GRAMD1C: variants seen among roughly 807,000 people sequenced by gnomAD.
GRAMD1C encodes protein Aster-C.
Under a neutral mutation model 97.8 loss-of-function variants are expected in GRAMD1C, and 89 were observed. The observed-to-expected ratio is 0.91, with a 90% CI of 0.77 to 1.09. The LOEUF is 1.09. GRAMD1C is among the 50% of genes least tolerant of loss of function. The pLI is 0.00. For synonymous variants in GRAMD1C, 256 were observed against 267.0 expected (o/e 0.96, Z 0.40); for missense variants, 740 against 766.4 (o/e 0.97, Z 0.41).
At chr3:113,932,677 G>A (rs1438754721) in intron 11 of GRAMD1C, among the ~76,000 whole-genome samples, 1 of 152,128 alleles carries the variant, frequency 6.6e-6, no homozygotes, top group Admixed American at 6.5e-5. Context: ...TGAAATAAAT[G>A]ACACAGGGGC....
At chr3:113,898,599 A>C (rs1936026401) in intron 6 of GRAMD1C, among the ~76,000 whole-genome samples, 1 of 152,006 alleles carries the variant, frequency 6.6e-6, no homozygotes, top group African/African-American at 2.4e-5. Context: ...TTTTCTATGG[A>C]CACTGTGCTT....
At chr3:113,889,029 C>T (rs1434143452) in intron 6 of GRAMD1C, among the ~76,000 whole-genome samples, 1 of 152,042 alleles carries the variant, frequency 6.6e-6, no homozygotes, top group Non-Finnish European at 1.5e-5. Flanking sequence ...GGAAGAAACC[C>T]CATCTATACT....
At chr3:113,834,313 G>T (rs908206621), upstream of GRAMD1C, among the ~76,000 whole-genome samples, 17 of 152,080 alleles carry the variant, frequency 1.1e-4, 1 homozygote, top group East Asian at 1.9e-4. Flanking sequence ...CCAAGTAGCT[G>T]GGATTACAGG....
chr3:113,864,275 G>A (rs569045078), intron 2 of GRAMD1C, among the ~76,000 whole-genome samples: 5 of 151,968 alleles, frequency 3.3e-5, no homozygotes, highest in South Asian at 4.1e-4. Flanking sequence ...CACCACGCTC[G>A]GCTAATTTTT....
chr3:113,877,569 G>A (rs1365424339), intron 5 of GRAMD1C, among the ~76,000 whole-genome samples: 1 of 152,166 alleles, frequency 6.6e-6, no homozygotes, highest in Non-Finnish European at 1.5e-5. Flanking sequence ...GTGTTTGTCT[G>A]ATGTTCCCTT....
chr3:113,839,014 T>C, intron 1 of GRAMD1C, 78 bp downstream of exon 1: 1 of 900,028 alleles, frequency 1.1e-6, no homozygotes, highest in Non-Finnish European at 1.5e-6. Flanking sequence ...TGCTTGAACC[T>C]TCTCAGATTA....
chr3:113,874,437 C>G (rs1353383375), intron 3 of GRAMD1C, among the ~76,000 whole-genome samples: 1 of 152,016 alleles, frequency 6.6e-6, no homozygotes, highest in East Asian at 1.9e-4. Context: ...CAACCATCAC[C>G]TTCCAGGTTC....
rs576821185 is a variant in GRAMD1C at position 113,907,069 on chromosome 3, C to T, written c.790-1889C>T. On this transcript the variant is annotated intron_variant, in intron 8 of 17. Coordinates refer to ENST00000358160, the MANE Select transcript of GRAMD1C (RefSeq NM_017577.5). ...ACAACAATAAAATCACCTAATGATA[C>T]ATTTCTCATAATGTATCCCTGTCAT... Among the ~76,000 whole-genome samples the T allele has an allele frequency of 1.1e-3, 173 of 152,298 alleles. 1 individual carries two copies. Among genetic ancestry groups the T allele is most frequent in the Non-Finnish European group, 2.1e-3 (143 of 68,032 alleles).
intron 10 of GRAMD1C, among the ~76,000 whole-genome samples, chr3:113,924,624 C>T (rs1462906538): frequency 6.6e-6 from 1 of 152,040 alleles, no homozygotes; most frequent in Non-Finnish European, 1.5e-5. Flanking sequence ...GCACTGTGGT[C>T]CGAGAGTGTG....
intron 4 of GRAMD1C, chr3:113,875,821 G>C (rs1448789427): frequency 2.5e-6 from 1 of 403,932 alleles, no homozygotes; most frequent in South Asian, 5.5e-5. Flanking sequence ...TTGAAAAAAA[G>C]CTTGAACATA....
chr3:113,945,666 C>A lies in GRAMD1C; in HGVS notation c.*188C>A. On this transcript the variant is annotated 3_prime_UTR_variant, in exon 18 of 18. Transcript: ENST00000358160. ...GTTTCTGCTGGCCTTAATAATCCAT[C>A]CTTTCACTTCTTATAGATATTTTTA... is the stretch of plus-strand genomic sequence containing the variant. 1 of 523,292 alleles carries A rather than the reference C, an allele frequency of 1.9e-6. No homozygotes were observed. The highest frequency in any genetic ancestry group is 3.4e-6 in the Non-Finnish European group (1 of 296,536). The allele number at this position is 523,292 out of a possible 1,614,324, so 32.4% of individuals were successfully genotyped here.
chr3:113,883,725 CAAGG>C (rs1337388203), intron 6 of GRAMD1C, among the ~76,000 whole-genome samples: 9 of 151,904 alleles, frequency 5.9e-5, no homozygotes, highest in Admixed American at 2.0e-4. Context: ...TTATTAGAGA[CAAGG>C]AAGAATAAAG....
intron 11 of GRAMD1C, among the ~76,000 whole-genome samples, chr3:113,933,165 G>T (rs941889573): frequency 1.3e-5 from 2 of 152,164 alleles, no homozygotes; most frequent in Non-Finnish European, 2.9e-5. Context: ...GATTACAGGC[G>T]TGAGCCACTG....
intron 1 of GRAMD1C, among the ~76,000 whole-genome samples, chr3:113,840,870 C>T (rs1390539928): frequency 6.6e-6 from 1 of 152,184 alleles, no homozygotes; most frequent in African/African-American, 2.4e-5. Flanking sequence ...AGGATGTCAT[C>T]AATGGAATGT....
intron 1 of GRAMD1C, among the ~76,000 whole-genome samples, chr3:113,832,893 A>C (rs375952510): frequency 1.3e-5 from 2 of 152,090 alleles, no homozygotes; most frequent in East Asian, 3.9e-4. Context: ...CCGAGCAAAA[A>C]GTCAGCCAGA....
chr3:113,836,567 T>G (rs1393477530), upstream of GRAMD1C, among the ~76,000 whole-genome samples: 1 of 151,800 alleles, frequency 6.6e-6, no homozygotes. Context: ...AACAGGGAAC[T>G]CCTAAATATT....
chr3:113,930,640 GC>G, intron 10 of GRAMD1C, 73 bp from the exon 11 acceptor site: 1 of 779,480 alleles, frequency 1.3e-6, no homozygotes. Flanking sequence ...TAATTCAGAA[GC>G]TCCTTTGATT....
Position 113,917,964 on chromosome 3 carries a change from A to G in GRAMD1C, c.1090+2126A>G, listed in dbSNP as rs1042081088. Among the ~76,000 whole-genome samples the G allele has an allele frequency of 3.3e-5, 5 of 150,126 alleles. No individual in the cohort carries two copies. In the Admixed American group the frequency reaches 3.3e-4, roughly 10 times the overall value. On this transcript the variant is annotated intron_variant, in intron 10 of 17. Transcript: ENST00000358160. ...GTGATCCACCTGCCTTGGCCTCCCAAAGAGCTGGGATTATAGGCGTGAGCC... is the reference window on the plus strand; with the variant it reads ...GTGATCCACCTGCCTTGGCCTCCCAGAGAGCTGGGATTATAGGCGTGAGCC...
chr3:113,877,599 G>A (rs1935095166), intron 5 of GRAMD1C, among the ~76,000 whole-genome samples: 1 of 152,138 alleles, frequency 6.6e-6, no homozygotes, highest in African/African-American at 2.4e-5. Context: ...TTTAGGTTGT[G>A]TAATTTTGGA....
Sources: gnomAD v4.1 joint callset for allele counts (sites outside exome capture counted in the v4.1 genomes callset) on GRCh38, gnomAD v4.1.1 for gene constraint, MANE v1.5 for transcripts, NCBI Gene and HGNC (gene_info 2026-07-23, HGNC 2026-07-21) for gene names.